The following CACNA1D variants were observed in gnomAD, a reference collection of about 807,000 sequenced individuals.
CACNA1D encodes voltage-dependent L-type calcium channel subunit alpha-1D.
Under a neutral mutation model 257.1 loss-of-function variants are expected in CACNA1D, and 55 were observed. The observed-to-expected ratio is 0.21, with a 90% confidence interval of 0.17 to 0.27. The LOEUF (loss-of-function observed/expected upper bound fraction) is 0.27, where lower values mean the gene tolerates loss of function less well. CACNA1D is among the 10% of genes least tolerant of loss of function. CACNA1D has a pLI of 1.00. For missense variants in CACNA1D, 1,876 were observed against 2,784.0 expected, an observed-to-expected ratio of 0.67 and a Z score of 7.34; for synonymous variants, 980 against 1,014.9, an observed-to-expected ratio of 0.97 and a Z score of 0.65.
intron 3 of CACNA1D, among the ~76,000 whole-genome samples, chr3:53,601,119 C>A (rs1364155370): frequency 6.6e-6 from 1 of 152,164 alleles, no homozygotes; most frequent in East Asian, 1.9e-4. Context: ...TATAAGAATG[C>A]CTGTGCCCCC....
rs1484090838 is a variant in CACNA1D, at chr3:53,811,361, TGAG to T, written c.6447_6449del (p.Glu2149del). On this transcript the variant is annotated inframe_deletion, in exon 48 of 48. Coordinates refer to ENST00000350061, the MANE Select transcript of CACNA1D (RefSeq NM_001128840.3). The surrounding 1 kb of genome is among the most constrained non-coding windows in gnomAD (Gnocchi z 4.2). ...ACGAAGAGCCAGACCCTGGGAGGGA[TGAG>T]GAGGACCTGGCGGATGAAATGATAT... 4 of 1,593,110 alleles carry T rather than the reference TGAG, an allele frequency of 2.5e-6. No individual in the cohort carries two copies. The Admixed American group carries it at 6.8e-5, about 27-fold the overall frequency.
At chr3:53,703,596 C>A (rs1243123212) in intron 9 of CACNA1D, among the ~76,000 whole-genome samples, 1 of 152,230 alleles carries the variant, frequency 6.6e-6, no homozygotes, top group Non-Finnish European at 1.5e-5. Context: ...ACTGAGATGT[C>A]TGTGACTTGC....
intron 3 of CACNA1D, among the ~76,000 whole-genome samples, chr3:53,628,648 G>T (rs1431082700): frequency 6.6e-6 from 1 of 152,142 alleles, no homozygotes; most frequent in East Asian, 1.9e-4. Flanking sequence ...TTTCTTTTGT[G>T]CCTGCAATTC....
intron 33 of CACNA1D, among the ~76,000 whole-genome samples, chr3:53,773,110 A>C (rs1158091633): frequency 6.6e-6 from 1 of 152,248 alleles, no homozygotes; most frequent in Admixed American, 6.5e-5. Context: ...GTTAGAATGC[A>C]CCAGGAAAAA....
At chr3:53,647,567 C>T (rs954407893) in intron 3 of CACNA1D, among the ~76,000 whole-genome samples, 1 of 152,218 alleles carries the variant, frequency 6.6e-6, no homozygotes, top group Non-Finnish European at 1.5e-5. Context: ...TCCCACCTTG[C>T]CTGTTAGGAA....
intron 28 of CACNA1D, among the ~76,000 whole-genome samples, chr3:53,752,677 C>T (rs1235726766): frequency 6.6e-6 from 1 of 152,214 alleles, no homozygotes; most frequent in East Asian, 1.9e-4. Flanking sequence ...GTATTACAGG[C>T]GTGAGCCACC....
intron 30 of CACNA1D, among the ~76,000 whole-genome samples, chr3:53,763,934 A>G (rs891121625): frequency 6.6e-6 from 1 of 152,184 alleles, no homozygotes; most frequent in African/African-American, 2.4e-5. Flanking sequence ...AATGCTTGCT[A>G]AAAACCCCAA....
chr3:53,675,162 G>C (rs2633708), intron 8 of CACNA1D, among the ~76,000 whole-genome samples: 9,793 of 152,172 alleles, frequency 0.064, 964 homozygotes, highest in African/African-American at 0.21. Flanking sequence ...GCCAGTGCCC[G>C]CCAGAGAGAG....
Position 53,536,615 on chromosome 3 carries a change from A to G in CACNA1D, c.483+34895A>G, listed in dbSNP as rs902606088. ...AACACGGCCTTATGCCTCTTTTTGT[A>G]TGGCCTGTGAACTAAGAATGGTGTT... is the stretch of plus-strand genomic sequence containing the variant. On this transcript the variant is annotated intron_variant, in intron 3 of 47. Coordinates refer to ENST00000350061, the MANE Select transcript of CACNA1D (RefSeq NM_001128840.3). Among the ~76,000 whole-genome samples, 3 of 152,250 alleles carry G rather than the reference A, an allele frequency of 2.0e-5. No individual in the cohort carries two copies. In the East Asian group the frequency reaches 5.8e-4, roughly 29 times the overall value.
chr3:53,617,849 T>C (rs2093654106), intron 3 of CACNA1D, among the ~76,000 whole-genome samples: 1 of 152,160 alleles, frequency 6.6e-6, no homozygotes. Flanking sequence ...TGGAGGCATG[T>C]GTGCAGTGGA....
chr3:53,779,105 C>CTT (rs1392231581), intron 37 of CACNA1D, among the ~76,000 whole-genome samples: 1 of 152,084 alleles, frequency 6.6e-6, no homozygotes, highest in Non-Finnish European at 1.5e-5. Context: ...TCAAGACCAA[C>CTT]CTGGGCAACA....
In CACNA1D at chr3:53,730,523, A is replaced by T; in HGVS notation, c.2303A>T (p.Glu768Val). The change falls in exon 16 of 48, where the codon GAA becomes GTA. Residue 768 changes from glutamate to valine, a missense_variant. This residue lies in a region of CACNA1D where 78 missense variants were observed against 69.2 expected (regional missense o/e 1.13). Coordinates refer to ENST00000350061, the MANE Select transcript of CACNA1D (RefSeq NM_001128840.3). ...AESLNTAQKE[E>V]AEEKERKKIA... ...AGTCTGAACACTGCTCAGAAAGAAG[A>T]AGCGGAAGAAAAGGAGAGGAAAAAG... 6.2e-7 allele frequency: 1 copy of T among 1,614,054 alleles called. No homozygotes were observed. The highest frequency in any genetic ancestry group is 8.5e-7 in the Non-Finnish European group (1 of 1,179,864).
chr3:53,691,653 A>AGTGT (rs562094435), intron 8 of CACNA1D, among the ~76,000 whole-genome samples: 105 of 129,030 alleles, frequency 8.1e-4, no homozygotes, highest in African/African-American at 3.0e-3. Context: ...TTTCTGTGTG[A>AGTGT]GTGTGTGTGT....
At chr3:53,638,011 G>T (rs114519981) in intron 3 of CACNA1D, among the ~76,000 whole-genome samples, 5,215 of 152,226 alleles carry the variant, frequency 0.034, 294 homozygotes, top group African/African-American at 0.12. Context: ...TACTTAGAAA[G>T]GTATGATCCG....
intron 3 of CACNA1D, among the ~76,000 whole-genome samples, chr3:53,575,525 C>T (rs188945433): frequency 4.4e-4 from 67 of 152,268 alleles, no homozygotes; most frequent in African/African-American, 1.5e-3. Context: ...ACTAGAGATA[C>T]GAGTACATGG....
chr3:53,745,716 G>T lies in CACNA1D; in HGVS notation c.3099G>T (p.Gly1033=), dbSNP rs72556352. The change falls in exon 24 of 48, where the codon GGG becomes GGT. Residue 1033 remains glycine, a synonymous_variant. Transcript: ENST00000350061. The part of the protein sequence containing the change: ...TLLQFMFACI[G]VQLFKGKFYR... Reference sequence around the variant, plus strand: ...TGCAGTTCATGTTTGCCTGTATCGGGGTCCAGTTGTTCAAGGTAGAGGAAC... The same window carrying T: ...TGCAGTTCATGTTTGCCTGTATCGGTGTCCAGTTGTTCAAGGTAGAGGAAC... 9.3e-6 allele frequency: 15 copies of T among 1,613,324 alleles called. No individual in the cohort carries two copies. In the East Asian group the frequency reaches 2.5e-4, roughly 26 times the overall value.
chr3:53,591,810 T>G (rs757098492), intron 3 of CACNA1D, among the ~76,000 whole-genome samples: 2 of 152,336 alleles, frequency 1.3e-5, no homozygotes, highest in South Asian at 2.1e-4. Flanking sequence ...AAATAACCAG[T>G]TGACCTGGTT....
At chr3:53,689,596 G>C (rs1223461817) in intron 8 of CACNA1D, among the ~76,000 whole-genome samples, 4 of 152,044 alleles carry the variant, frequency 2.6e-5, no homozygotes, top group Non-Finnish European at 5.9e-5. Flanking sequence ...GAGGTCTCTG[G>C]ATTTTGATTG....
chr3:53,528,458 A>G (rs933364569), intron 3 of CACNA1D, among the ~76,000 whole-genome samples: 3 of 152,236 alleles, frequency 2.0e-5, no homozygotes, highest in African/African-American at 7.2e-5. Context: ...ATTGGATTAT[A>G]TAAGTTCTTC....
Sources: gnomAD v4.1 joint callset for allele counts (sites outside exome capture counted in the v4.1 genomes callset) on GRCh38, gnomAD v4.1.1 for gene constraint, gnomAD v4.1.1 regional missense constraint, Gnocchi (gnomAD v3.1) non-coding constraint, MANE v1.5 for transcripts, NCBI Gene and HGNC (gene_info 2026-07-23, HGNC 2026-07-21) for gene names.